Variants in CPNE4 observed in about 807,000 individuals in gnomAD.
CPNE4 encodes copine 4.
Under a neutral mutation model 67.9 loss-of-function variants are expected in CPNE4, and 25 were observed. The observed-to-expected ratio is 0.37, with a 90% CI of 0.27 to 0.51. The LOEUF (loss-of-function observed/expected upper bound fraction) is 0.51. Among genes scored for constraint, CPNE4 ranks in the 20% least tolerant of loss-of-function variants. The pLI is 0.93. For missense variants in CPNE4, 464 were observed against 690.8 expected (o/e 0.67, Z 3.68); for synonymous variants, 242 against 244.9 (o/e 0.99, Z 0.11).
At chr3:131,898,889 T>C (rs1364277479) in intron 2 of CPNE4, among the ~76,000 whole-genome samples, 1 of 152,080 alleles carries the variant, frequency 6.6e-6, no homozygotes, top group Non-Finnish European at 1.5e-5. Flanking sequence ...GGGGGAGGTA[T>C]AAAGCAACAT....
intron 1 of CPNE4, among the ~76,000 whole-genome samples, chr3:131,933,374 G>A (rs976750345): frequency 6.6e-6 from 1 of 152,154 alleles, no homozygotes; most frequent in African/African-American, 2.4e-5. Flanking sequence ...GAGAGGCTTC[G>A]TGAAAAGTGG....
At chr3:132,022,696 G>A (rs1167217062) in intron 1 of CPNE4, among the ~76,000 whole-genome samples, 1 of 152,164 alleles carries the variant, frequency 6.6e-6, no homozygotes, top group African/African-American at 2.4e-5. Context: ...GTTTGGTGGT[G>A]AGTTGTGCCT....
At chr3:131,733,524 ACCC>A (rs2082171997) in intron 2 of CPNE4, among the ~76,000 whole-genome samples, 2 of 152,166 alleles carry the variant, frequency 1.3e-5, no homozygotes, top group Admixed American at 6.5e-5. Flanking sequence ...ACTGCCGTAT[ACCC>A]CCCAACTCCA....
At chr3:131,614,726 G>A (rs1459380502) in intron 7 of CPNE4, among the ~76,000 whole-genome samples, 3 of 152,146 alleles carry the variant, frequency 2.0e-5, no homozygotes, top group African/African-American at 7.2e-5. Flanking sequence ...AGAGAATGGT[G>A]AAAAAGAACC....
rs1560669030 is a variant in CPNE4, at chr3:131,953,247, A to AAAAAT, written c.-1-47804_-1-47803insATTTT. 3.0e-3 allele frequency among the ~76,000 whole-genome samples: 280 copies of AAAAAT among 92,630 alleles called. 3 individuals are homozygous for AAAAAT. The highest frequency in any genetic ancestry group is 7.7e-3 in the African/African-American group (264 of 34,312). 60.8% of individuals were successfully genotyped at this position (92,630 alleles called of 152,430 possible). A position where few individuals can be genotyped will look rare whatever the true frequency, so the allele number is the denominator to read the frequency against. On this transcript the variant is annotated intron_variant, in intron 1 of 15. Coordinates refer to ENST00000429747, the MANE Select transcript of CPNE4 (RefSeq NM_130808.3). ...ACCCAAGAATGATCAATTAAAAAAA[A>AAAAAT]AAAAAAAAAAAAAAAAAAAGAATGG...
chr3:131,800,427 A>G (rs1020847654), intron 2 of CPNE4, among the ~76,000 whole-genome samples: 3 of 152,178 alleles, frequency 2.0e-5, no homozygotes, highest in African/African-American at 7.2e-5. Context: ...GCATAACACT[A>G]GAGTAACTGC....
chr3:131,914,870 G>A (rs1045591915), intron 1 of CPNE4, among the ~76,000 whole-genome samples: 2 of 152,134 alleles, frequency 1.3e-5, no homozygotes, highest in African/African-American at 2.4e-5. Context: ...CAGCTACTCA[G>A]GGGGCTGAGG....
chr3:131,873,258 C>G (rs2087294008), intron 2 of CPNE4, among the ~76,000 whole-genome samples: 1 of 152,144 alleles, frequency 6.6e-6, no homozygotes, highest in African/African-American at 2.4e-5. Flanking sequence ...TTTGCCTTTT[C>G]ACATCCTTAA....
chr3:131,603,547 A>G lies in CPNE4; in HGVS notation c.682-15965T>C, dbSNP rs992909640. 5.3e-5 allele frequency among the ~76,000 whole-genome samples: 8 copies of G among 152,166 alleles called. No homozygotes were observed. In the East Asian group the frequency reaches 1.3e-3, roughly 26 times the overall value. ...TCAGTAGGAAGTGATATAGAAATCC[A>G]TATTTTATTTAGAATTTAGGTTAGG... is the stretch of plus-strand genomic sequence containing the variant. On this transcript the variant is annotated intron_variant, in intron 7 of 15. Coordinates refer to ENST00000429747, the MANE Select transcript of CPNE4 (RefSeq NM_130808.3).
At chr3:131,634,002 A>G (rs1266960415) in intron 7 of CPNE4, among the ~76,000 whole-genome samples, 1 of 152,178 alleles carries the variant, frequency 6.6e-6, no homozygotes, top group Non-Finnish European at 1.5e-5. Flanking sequence ...TTTCCATAGA[A>G]CAAATTTTTA....
At chr3:131,681,207 T>G (rs2080744896) in intron 6 of CPNE4, among the ~76,000 whole-genome samples, 1 of 152,222 alleles carries the variant, frequency 6.6e-6, no homozygotes, top group Non-Finnish European at 1.5e-5. Context: ...TAATATTCTG[T>G]GTTTTTCTGT....
chr3:131,608,737 A>G (rs1939652264), intron 7 of CPNE4, among the ~76,000 whole-genome samples: 1 of 152,188 alleles, frequency 6.6e-6, no homozygotes, highest in Non-Finnish European at 1.5e-5. Flanking sequence ...ATGTGTGACT[A>G]GAAGGGTATA....
At chr3:131,799,390 C>G (rs886815471) in intron 2 of CPNE4, among the ~76,000 whole-genome samples, 1 of 152,064 alleles carries the variant, frequency 6.6e-6, no homozygotes, top group African/African-American at 2.4e-5. Context: ...CACGGGCCTG[C>G]AAGAGTGTAT....
At chr3:132,009,256 C>T (rs2073687917) in intron 1 of CPNE4, among the ~76,000 whole-genome samples, 1 of 152,164 alleles carries the variant, frequency 6.6e-6, no homozygotes, top group Non-Finnish European at 1.5e-5. Flanking sequence ...CTCTCTTTCC[C>T]ACAAAGCCTT....
intron 2 of CPNE4, among the ~76,000 whole-genome samples, chr3:131,788,941 C>G (rs1289643556): frequency 6.6e-6 from 1 of 150,616 alleles, no homozygotes; most frequent in Non-Finnish European, 1.5e-5. Context: ...TTTCCACATT[C>G]TTTTCTTTAT....
At chr3:131,669,878 C>G in intron 6 of CPNE4, 114 bp from the exon 7 acceptor site, 1 of 813,874 alleles carries the variant, frequency 1.2e-6, no homozygotes, top group South Asian at 1.7e-5. Flanking sequence ...GAACAATAGC[C>G]TGGAAGAGGT....
chr3:131,611,972 AC>A (rs1343261770), intron 7 of CPNE4, among the ~76,000 whole-genome samples: 1 of 152,152 alleles, frequency 6.6e-6, no homozygotes, highest in African/African-American at 2.4e-5. Flanking sequence ...GCTTACAGTA[AC>A]CCAGAAGGGT....
intron 6 of CPNE4, among the ~76,000 whole-genome samples, chr3:131,682,899 C>T (rs1243981602): frequency 6.6e-6 from 1 of 152,042 alleles, no homozygotes; most frequent in Non-Finnish European, 1.5e-5. Flanking sequence ...GCAGAGTAGC[C>T]TCTCCCTTGG....
intron 13 of CPNE4, among the ~76,000 whole-genome samples, chr3:131,551,766 C>G (rs1936186073): frequency 6.6e-6 from 1 of 152,010 alleles, no homozygotes; most frequent in Non-Finnish European, 1.5e-5. Context: ...TTATGATCTT[C>G]ATAGCAACAT....
Sources: allele counts gnomAD v4.1 joint callset (sites outside exome capture counted in the v4.1 genomes callset), GRCh38; gene constraint gnomAD v4.1.1; transcripts MANE v1.5; gene names NCBI Gene and HGNC (gene_info 2026-07-23, HGNC 2026-07-21).